VPS13D: variants seen among roughly 807,000 people sequenced by gnomAD.
The protein encoded by VPS13D is vacuolar protein sorting 13 homolog D.
A neutral mutation model predicts 461.9 loss-of-function variants in VPS13D; 187 were observed. The observed-to-expected ratio is 0.40, with a 90% CI of 0.36 to 0.46. The LOEUF (loss-of-function observed/expected upper bound fraction) is 0.46, where lower values mean the gene tolerates loss of function less well. Among genes scored for constraint, VPS13D ranks in the 20% least tolerant of loss-of-function variants. The probability of loss-of-function intolerance (pLI) is 0.60; values close to 1 mark genes in which losing one functional copy is unlikely to be tolerated. For synonymous variants in VPS13D, 1,951 were observed against 1,986.3 expected, an observed-to-expected ratio of 0.98 and a Z score of 0.47; for missense variants, 4,711 against 5,364.9, an observed-to-expected ratio of 0.88 and a Z score of 3.81.
intron 19 of VPS13D, among the ~76,000 whole-genome samples, chr1:12,278,459 G>C (rs1352972304): frequency 1.3e-5 from 2 of 152,090 alleles, no homozygotes; most frequent in African/African-American, 2.4e-5. Context: ...ATTTTTAGTA[G>C]AGACAGGGTT....
At chr1:12,445,418 C>T (rs1645180133) in intron 65 of VPS13D, among the ~76,000 whole-genome samples, 1 of 152,208 alleles carries the variant, frequency 6.6e-6, no homozygotes, top group Non-Finnish European at 1.5e-5. Flanking sequence ...CTTCCATAGT[C>T]CAGGACTTTT....
rs187969506 is a variant in VPS13D, at chr1:12,275,111, C to T, written c.2237-714C>T. Reference sequence around the variant, plus strand: ...GCAGGCACATGTAATCCCAGCTGTCCGGGAGGCTGAGGCAGGAGAATCTCT... The same window carrying T: ...GCAGGCACATGTAATCCCAGCTGTCTGGGAGGCTGAGGCAGGAGAATCTCT... On this transcript the variant is annotated intron_variant, in intron 18 of 69. Transcript: ENST00000620676. Among the ~76,000 whole-genome samples the T allele has an allele frequency of 2.0e-4, 31 of 151,994 alleles. No individual in the cohort carries two copies. In the East Asian group the frequency reaches 2.5e-3, roughly 12 times the overall value.
chr1:12,474,662 G>GA (rs1363846159), intron 67 of VPS13D, among the ~76,000 whole-genome samples: 2 of 152,104 alleles, frequency 1.3e-5, no homozygotes, highest in Non-Finnish European at 1.5e-5. Flanking sequence ...GTAATGCCTT[G>GA]AGCCTTTGAA....
rs1464138927 is a variant in VPS13D, at chr1:12,460,262, G to A, written c.12528G>A (p.Gly4176=). The change falls in exon 67 of 70, where the codon GGG becomes GGA. Residue 4176 remains glycine, a synonymous_variant. Transcript: ENST00000620676. ...CAGTGGAAGGTGTGAAAACAGAAGGGGGTGTCAGCGGTTTCATATCTGGCC... is the reference window on the plus strand; with the variant it reads ...CAGTGGAAGGTGTGAAAACAGAAGGAGGTGTCAGCGGTTTCATATCTGGCC... The part of the protein sequence containing the change: ...TSTVEGVKTE[G]GVSGFISGLG... 1.2e-6 allele frequency: 2 copies of A among 1,612,024 alleles called. No individual in the cohort carries two copies. The highest frequency in any genetic ancestry group is 1.3e-5 in the African/African-American group (1 of 74,948).
In VPS13D at chr1:12,329,893, A is replaced by T; in HGVS notation, c.8262A>T (p.Gly2754=). Residue 2754 remains glycine (G), a synonymous_variant, in exon 37 of 70, where the codon GGA becomes GGT. Coordinates refer to ENST00000620676, the MANE Select transcript of VPS13D (RefSeq NM_015378.4). ...GCTATGCCCACTTCACCCTTTCTGG[A>T]GATTATTATAACCGTGCTCTTTCAG... ...PEGYAHFTLS[G]DYYNRALSGW... 2 of 1,613,878 alleles carry T rather than the reference A, an allele frequency of 1.2e-6. No individual in the cohort carries two copies. Among genetic ancestry groups the T allele is most frequent in the Non-Finnish European group, 1.7e-6 (2 of 1,179,934 alleles).
In VPS13D at chr1:12,411,080, C is replaced by T. The variant is rs77547310; in HGVS notation, c.12031-4007C>T. On this transcript the variant is annotated intron_variant, in intron 63 of 69. Coordinates refer to ENST00000620676, the MANE Select transcript of VPS13D (RefSeq NM_015378.4). The stretch of plus-strand genomic sequence containing the variant: ...TACCCATTATCACCACTTCTTTCAC[C>T]GTTACACGGGAGTTCAGCCAGTAAA... Among the ~76,000 whole-genome samples the T allele has an allele frequency of 8.3e-3, 1,263 of 152,198 alleles. 20 individuals carry two copies. The highest frequency in any genetic ancestry group is 0.029 in the African/African-American group (1,218 of 41,530).
intron 23 of VPS13D, among the ~76,000 whole-genome samples, chr1:12,292,356 A>G (rs1482298429): frequency 6.8e-6 from 1 of 147,576 alleles, no homozygotes; most frequent in Non-Finnish European, 1.5e-5. Flanking sequence ...TTTTTAATCT[A>G]AGAGGTATTA....
chr1:12,386,141 T>G (rs1217014062), intron 59 of VPS13D, 44 bp from the exon 60 acceptor site: 1 of 1,578,108 alleles, frequency 6.3e-7, no homozygotes, highest in African/African-American at 1.4e-5. Context: ...TACTGTGAGC[T>G]GTGTTTAAAA....
At chr1:12,392,278 G>C (rs759919523) in intron 60 of VPS13D, among the ~76,000 whole-genome samples, 1 of 152,072 alleles carries the variant, frequency 6.6e-6, no homozygotes, top group Non-Finnish European at 1.5e-5. Flanking sequence ...GATGGCCTGA[G>C]GTCAGGAGTT....
intron 26 of VPS13D, among the ~76,000 whole-genome samples, chr1:12,308,070 TTGGTAG>T (rs1642617687): frequency 6.6e-6 from 1 of 152,150 alleles, no homozygotes. Flanking sequence ...TGTAAACCTT[TTGGTAG>T]CATTGTGCGT....
intron 53 of VPS13D, 26 bp from the exon 54 acceptor site, chr1:12,369,441 C>G (rs369598408): frequency 6.2e-7 from 1 of 1,610,454 alleles, no homozygotes; most frequent in Non-Finnish European, 8.5e-7. Flanking sequence ...TGAAAGTCCT[C>G]TTTGTCCTCT....
intron 24 of VPS13D, among the ~76,000 whole-genome samples, chr1:12,294,487 T>C (rs563653026): frequency 3.3e-5 from 5 of 152,348 alleles, no homozygotes; most frequent in African/African-American, 1.2e-4. Flanking sequence ...TAGTGCAGTG[T>C]CTGGCAGATG....
chr1:12,489,743 C>T (rs762117925), intron 67 of VPS13D, among the ~76,000 whole-genome samples: 56 of 152,300 alleles, frequency 3.7e-4, no homozygotes, highest in Non-Finnish European at 7.4e-4. Context: ...AGCATTTTAT[C>T]GAGTGCCTAT....
At chr1:12,262,143 T>C in intron 13 of VPS13D, 63 bp downstream of exon 13, 1 of 1,524,598 alleles carries the variant, frequency 6.6e-7, no homozygotes, top group African/African-American at 1.4e-5. Context: ...GTCCAGGCGA[T>C]TCTCATTATT....
intron 35 of VPS13D, among the ~76,000 whole-genome samples, chr1:12,326,513 T>C (rs1369139529): frequency 6.6e-6 from 1 of 151,824 alleles, no homozygotes; most frequent in African/African-American, 2.4e-5. Flanking sequence ...ATTTTTAAAT[T>C]TTTTGTAGAG....
chr1:12,463,750 C>A (rs1346831107), intron 67 of VPS13D, among the ~76,000 whole-genome samples: 1 of 152,166 alleles, frequency 6.6e-6, no homozygotes, highest in Non-Finnish European at 1.5e-5. Context: ...GAGACCCTGT[C>A]AAACAAGGAA....
Position 12,452,769 on chromosome 1 carries a change from C to T in VPS13D, c.12334-3229C>T, listed in dbSNP as rs577896002. Among the ~76,000 whole-genome samples the T allele has an allele frequency of 3.9e-5, 6 of 152,314 alleles. No individual in the cohort carries two copies. In the East Asian group the frequency reaches 1.2e-3, roughly 29 times the overall value. On this transcript the variant is annotated intron_variant, in intron 65 of 69. Coordinates refer to ENST00000620676, the MANE Select transcript of VPS13D (RefSeq NM_015378.4). ...TCCCAGTAAAATCTGATTAACTACT[C>T]ATCAATACAGGTTTGGTTGGATCAT...
chr1:12,364,554 C>A (rs954187791), intron 52 of VPS13D, among the ~76,000 whole-genome samples: 1 of 152,150 alleles, frequency 6.6e-6, no homozygotes, highest in Non-Finnish European at 1.5e-5. Context: ...TTTTGAGGAA[C>A]CACCATAGGT....
At chr1:12,344,451 G>C (rs1379475321) in intron 42 of VPS13D, among the ~76,000 whole-genome samples, 2 of 152,166 alleles carry the variant, frequency 1.3e-5, no homozygotes, top group Admixed American at 1.3e-4. Flanking sequence ...CATGTGCTTG[G>C]AAGCCACTTT....
Sources: allele counts gnomAD v4.1 joint callset (sites outside exome capture counted in the v4.1 genomes callset), GRCh38; gene constraint gnomAD v4.1.1; transcripts MANE v1.5; gene names NCBI Gene and HGNC (gene_info 2026-07-23, HGNC 2026-07-21).